Variants in PUM1 observed in about 807,000 individuals in gnomAD.
The protein encoded by PUM1 is pumilio homolog 1.
Under a neutral mutation model 131.8 loss-of-function variants are expected in PUM1, and 13 were observed. That is an observed-to-expected ratio of 0.10 (90% CI 0.06 to 0.16). The LOEUF is 0.16. PUM1 is among the 10% of genes least tolerant of loss of function. The pLI, the probability that PUM1 is intolerant of heterozygous loss-of-function variation, is 1.00. For missense variants in PUM1, 961 were observed against 1,512.4 expected, an observed-to-expected ratio of 0.64 and a Z score of 6.05; for synonymous variants, 509 against 556.5, an observed-to-expected ratio of 0.91 and a Z score of 1.20.
In PUM1 at chr1:30,945,406, T is replaced by C. The variant is rs772232138; in HGVS notation, c.2934A>G (p.Lys978=). 1.2e-6 allele frequency: 2 copies of C among 1,614,224 alleles called. No individual in the cohort carries two copies. The highest frequency in any genetic ancestry group is 1.1e-5 in the South Asian group (1 of 91,088). The change falls in exon 18 of 22, where the codon AAA becomes AAG. Residue 978 remains lysine, a synonymous_variant. Coordinates refer to ENST00000426105, the MANE Select transcript of PUM1 (RefSeq NM_001020658.2). The part of the protein sequence containing the change: ...KDQNGNHVVQ[K]CIECVQPQSL... The stretch of plus-strand genomic sequence containing the variant: ...ACTGGGGCTGTACACATTCAATGCA[T>C]TTCTGAACCACGTGATTGCCATTCT...
intron 1 of PUM1, among the ~76,000 whole-genome samples, chr1:31,059,992 G>A (rs1016114803): frequency 2.0e-5 from 3 of 151,514 alleles, no homozygotes; most frequent in Middle Eastern, 3.4e-3. Context: ...TACTACAGGC[G>A]CCCACCACCA....
intron 14 of PUM1, among the ~76,000 whole-genome samples, chr1:30,956,676 G>A (rs1455450190): frequency 6.6e-6 from 1 of 152,140 alleles, no homozygotes; most frequent in Non-Finnish European, 1.5e-5. Flanking sequence ...GGGAAAGTGT[G>A]GCAATAGCAA....
At chr1:30,972,277 G>A (rs1214216400) in intron 10 of PUM1, among the ~76,000 whole-genome samples, 22 of 844 alleles carry the variant, frequency 0.026, 1 homozygote, top group Non-Finnish European at 0.036. Context: ...AGAAGGGAAG[G>A]GAAGGGAAGG....
intron 7 of PUM1, among the ~76,000 whole-genome samples, chr1:30,985,650 C>CAAAAA (rs372548441): frequency 1.5e-5 from 1 of 65,226 alleles, no homozygotes; most frequent in Admixed American, 1.8e-4. Flanking sequence ...AACTCCATCT[C>CAAAAA]AAAAAAAAAA....
chr1:31,055,208 C>T (rs189817107), intron 2 of PUM1: 1 of 380,934 alleles, frequency 2.6e-6, no homozygotes, highest in Non-Finnish European at 5.2e-6. Context: ...TGCCCCTTTG[C>T]TCTTCAATTA....
At chr1:30,958,390 T>C (rs774387037) in intron 14 of PUM1, among the ~76,000 whole-genome samples, 29 of 152,218 alleles carry the variant, frequency 1.9e-4, no homozygotes, top group Non-Finnish European at 2.8e-4. Flanking sequence ...ATTTCATTTC[T>C]GAAGTAATGA....
intron 3 of PUM1, among the ~76,000 whole-genome samples, chr1:31,012,991 A>G (rs1642678168): frequency 6.6e-6 from 1 of 152,232 alleles, no homozygotes; most frequent in Admixed American, 6.5e-5. Context: ...AACACATGTA[A>G]TGACATAATA....
chr1:31,049,823 CTTTTTTTTTT>C (rs773718125), intron 2 of PUM1, among the ~76,000 whole-genome samples: 3 of 80,006 alleles, frequency 3.7e-5, no homozygotes, highest in Admixed American at 1.9e-4. Context: ...ACTGAACTTC[CTTTTTTTTTT>C]TTTTTTTTTT....
intron 14 of PUM1, among the ~76,000 whole-genome samples, chr1:30,963,486 T>A (rs1640501314): frequency 6.6e-6 from 1 of 152,218 alleles, no homozygotes; most frequent in African/African-American, 2.4e-5. Context: ...CATGCCAATG[T>A]GTATATATAA....
At chr1:31,025,545 C>CTTTTTTTTT (rs35510099) in intron 3 of PUM1, among the ~76,000 whole-genome samples, 7 of 88,822 alleles carry the variant, frequency 7.9e-5, no homozygotes, top group Non-Finnish European at 1.0e-4. Context: ...TGTTTTTTGT[C>CTTTTTTTTT]TTTTTTTTTT....
At chr1:30,974,924 A>G in intron 9 of PUM1, 122 bp from the exon 10 acceptor site, 1 of 691,404 alleles carries the variant, frequency 1.4e-6, no homozygotes, top group South Asian at 2.4e-5. Context: ...GTATATATTA[A>G]TTTATGCTAG....
chr1:30,995,304 A>G (rs1355171351), intron 5 of PUM1, 84 bp from the exon 6 acceptor site: 2 of 1,407,736 alleles, frequency 1.4e-6, no homozygotes, highest in African/African-American at 1.4e-5. Context: ...ACTACACTAG[A>G]TGCTACTCAG....
chr1:30,964,802 T>C lies in PUM1; in HGVS notation c.2195A>G (p.Tyr732Cys), dbSNP rs1640554202. The change falls in exon 14 of 22, where the codon TAT becomes TGT. Residue 732 changes from tyrosine (Y) to cysteine (C), a missense_variant. By Grantham distance (194) the Tyr-to-Cys change is radical. Coordinates refer to ENST00000426105, the MANE Select transcript of PUM1 (RefSeq NM_001020658.2). ...SSLTPIGHSF[Y>C]NGLSFSSSPG... Reference sequence around the variant, plus strand: ...AGAGGAGGAAAAGCTAAGGCCGTTATAAAAACTGTGTCCAATGGGGGTCAA... The same window carrying C: ...AGAGGAGGAAAAGCTAAGGCCGTTACAAAAACTGTGTCCAATGGGGGTCAA... 1 of 1,613,984 alleles carries C rather than the reference T, an allele frequency of 6.2e-7. No homozygotes were observed.
chr1:30,933,243 G>C lies in PUM1; in HGVS notation c.3535C>G (p.Pro1179Ala). The part of the protein sequence containing the change: ...YYMKNGVDLG[P>A]ICGPPNGII ...ATACCATTAGGGGGGCCACAGATGGGCCCTAAGTCAACACCGTTCTTCATG... is the reference window on the plus strand; with the variant it reads ...ATACCATTAGGGGGGCCACAGATGGCCCCTAAGTCAACACCGTTCTTCATG... Residue 1179 changes from proline to alanine, a missense_variant, in exon 22 of 22, where the codon CCC becomes GCC. This residue lies in a region of PUM1 where 178 missense variants were observed against 327.5 expected (regional missense o/e 0.54). Transcript: ENST00000426105. 6.2e-7 allele frequency: 1 copy of C among 1,613,676 alleles called. No homozygotes were observed. Among genetic ancestry groups the C allele is most frequent in the Non-Finnish European group, 8.5e-7 (1 of 1,179,800 alleles).
chr1:31,001,537 GAACA>G (rs966092505), intron 5 of PUM1, among the ~76,000 whole-genome samples: 45 of 152,188 alleles, frequency 3.0e-4, no homozygotes, highest in African/African-American at 6.3e-4. Context: ...ATTGAAATTA[GAACA>G]AACAAAGTTT....
chr1:30,974,616 C>A, intron 10 of PUM1, 35 bp downstream of exon 10: 1 of 1,558,232 alleles, frequency 6.4e-7, no homozygotes, highest in South Asian at 1.2e-5. Flanking sequence ...TACTACGATT[C>A]CCACTTAGAA....
intron 2 of PUM1, among the ~76,000 whole-genome samples, chr1:31,035,720 C>CT (rs1475687951): frequency 3.3e-5 from 5 of 151,946 alleles, no homozygotes; most frequent in Admixed American, 3.3e-4. Flanking sequence ...CACTGCACTC[C>CT]TGCCTGGGCA....
intron 2 of PUM1, among the ~76,000 whole-genome samples, chr1:31,057,093 T>G (rs1336185922): frequency 6.6e-6 from 1 of 152,074 alleles, no homozygotes; most frequent in East Asian, 1.9e-4. Context: ...GCACCCAGCC[T>G]GTCTTTGTTT....
chr1:31,004,275 A>G (rs1642321108), intron 5 of PUM1, among the ~76,000 whole-genome samples: 1 of 152,220 alleles, frequency 6.6e-6, no homozygotes, highest in Admixed American at 6.5e-5. Flanking sequence ...TGCCTCCTAC[A>G]AGCTTCACAG....
Sources: gnomAD v4.1 joint callset for allele counts (sites outside exome capture counted in the v4.1 genomes callset) on GRCh38, gnomAD v4.1.1 for gene constraint, gnomAD v4.1.1 regional missense constraint, MANE v1.5 for transcripts, NCBI Gene and HGNC (gene_info 2026-07-23, HGNC 2026-07-21) for gene names.